Variants in ARHGAP24 observed in about 807,000 individuals in gnomAD.
ARHGAP24 encodes rho GTPase-activating protein 24.
In ARHGAP24, 50 loss-of-function variants were observed where a neutral mutation model predicts 76.4. The ratio of observed to expected loss-of-function variants is 0.65; its 90% CI spans 0.52 to 0.83. ARHGAP24 has a LOEUF of 0.83. Ranked by LOEUF, ARHGAP24 falls within the 40% of genes least tolerant of loss-of-function variation. The pLI, the probability that ARHGAP24 is intolerant of heterozygous loss-of-function variation, is 0.00. For synonymous variants in ARHGAP24, 345 were observed against 323.3 expected, an observed-to-expected ratio of 1.07 and a Z score of -0.72; for missense variants, 930 against 914.2, an observed-to-expected ratio of 1.02 and a Z score of -0.22.
intron 2 of ARHGAP24, among the ~76,000 whole-genome samples, chr4:85,621,914 A>G (rs906514846): frequency 6.6e-6 from 1 of 152,064 alleles, no homozygotes; most frequent in African/African-American, 2.4e-5. Flanking sequence ...CATTTTAGTC[A>G]TTAATCAATC....
At chr4:85,493,005 A>G (rs1181254605) in intron 1 of ARHGAP24, among the ~76,000 whole-genome samples, 1 of 152,188 alleles carries the variant, frequency 6.6e-6, no homozygotes, top group Non-Finnish European at 1.5e-5. Flanking sequence ...TTTGAAGTCT[A>G]GTGACCAGGT....
chr4:85,911,554 G>T (rs1735086462), intron 3 of ARHGAP24, among the ~76,000 whole-genome samples: 1 of 152,176 alleles, frequency 6.6e-6, no homozygotes, highest in African/African-American at 2.4e-5. Context: ...CGTATTTGCT[G>T]ATAAGTGGAT....
intron 1 of ARHGAP24, among the ~76,000 whole-genome samples, chr4:85,538,137 C>G (rs552386654): frequency 6.6e-6 from 1 of 152,112 alleles, no homozygotes; most frequent in South Asian, 2.1e-4. Context: ...ACAGGTTTCT[C>G]CTTTCTAGGA....
chr4:85,495,576 TCTC>T (rs1723545710), intron 1 of ARHGAP24, among the ~76,000 whole-genome samples: 1 of 151,752 alleles, frequency 6.6e-6, no homozygotes, highest in Non-Finnish European at 1.5e-5. Context: ...TGGGTCTCAA[TCTC>T]CTTACCTGGT....
rs1464305908 is a variant in ARHGAP24 at position 85,995,307 on chromosome 4, C to T, written c.1653C>T (p.Asp551=). ...ACCTTGATGACAAGCAGAGCATTGA[C>T]AGTGCTACCTGGTCCACTTCCTCCT... The part of the protein sequence containing the change: ...MMNLDDKQSI[D]SATWSTSSCE... Residue 551 remains aspartate (D), a synonymous_variant, in exon 9 of 10, where the codon GAC becomes GAT. Coordinates refer to ENST00000395184, the MANE Select transcript of ARHGAP24 (RefSeq NM_001025616.3). The T allele has an allele frequency of 6.2e-7, 1 of 1,614,060 alleles. No individual in the cohort carries two copies. Among genetic ancestry groups the T allele is most frequent in the Admixed American group, 1.7e-5 (1 of 59,996 alleles).
At chr4:85,863,244 A>C (rs1385703440) in intron 3 of ARHGAP24, among the ~76,000 whole-genome samples, 1 of 151,980 alleles carries the variant, frequency 6.6e-6, no homozygotes. Flanking sequence ...TTTGCAGGCT[A>C]ACTCGTTTAC....
chr4:85,849,036 G>A (rs1445938536), intron 3 of ARHGAP24, among the ~76,000 whole-genome samples: 3 of 149,196 alleles, frequency 2.0e-5, no homozygotes, highest in African/African-American at 7.4e-5. Context: ...ATTACCTTGG[G>A]CAGTATGGCC....
chr4:85,674,412 T>C (rs61660116), intron 2 of ARHGAP24, among the ~76,000 whole-genome samples: 40,403 of 152,144 alleles, frequency 0.27, 7,449 homozygotes, highest in East Asian at 0.84. Flanking sequence ...ATTATATGAA[T>C]TGTTTTATTA....
intron 2 of ARHGAP24, among the ~76,000 whole-genome samples, chr4:85,663,734 G>C (rs991943856): frequency 6.6e-6 from 1 of 151,862 alleles, no homozygotes; most frequent in Non-Finnish European, 1.5e-5. Context: ...ATGAAGGGTT[G>C]TTGAATTTTG....
At chr4:85,722,284 T>C (rs997839376) in intron 3 of ARHGAP24, 2 of 308,948 alleles carry the variant, frequency 6.5e-6, no homozygotes, top group Admixed American at 4.7e-5. Flanking sequence ...GCTCTTGTGA[T>C]GTGAAATTTG....
chr4:85,772,106 T>C (rs1727153346), intron 3 of ARHGAP24, among the ~76,000 whole-genome samples: 1 of 152,234 alleles, frequency 6.6e-6, no homozygotes, highest in African/African-American at 2.4e-5. Context: ...TATTGACTAT[T>C]GAGCAATGTG....
intron 1 of ARHGAP24, among the ~76,000 whole-genome samples, chr4:85,568,661 A>G (rs961701651): frequency 6.6e-6 from 1 of 152,156 alleles, no homozygotes; most frequent in African/African-American, 2.4e-5. Flanking sequence ...ACACGGGCAC[A>G]CACCTGAGGG....
intron 5 of ARHGAP24, among the ~76,000 whole-genome samples, chr4:85,964,673 A>G (rs1438583134): frequency 6.6e-6 from 1 of 152,122 alleles, no homozygotes; most frequent in Non-Finnish European, 1.5e-5. Context: ...ATAGAAAATT[A>G]ATAAATATCC....
intron 8 of ARHGAP24, chr4:85,992,277 A>G (rs1008340909): frequency 2.5e-6 from 1 of 393,696 alleles, no homozygotes; most frequent in Non-Finnish European, 4.5e-6. Flanking sequence ...AAATTCTAAG[A>G]AAGTCTCTTT....
At chr4:85,711,599 C>A (rs1724529648) in intron 2 of ARHGAP24, among the ~76,000 whole-genome samples, 1 of 152,146 alleles carries the variant, frequency 6.6e-6, no homozygotes, top group Admixed American at 6.6e-5. Context: ...CTTCTTCCTG[C>A]TGAGACATTG....
chr4:85,909,733 A>G (rs1238756337), intron 3 of ARHGAP24, among the ~76,000 whole-genome samples: 4 of 152,216 alleles, frequency 2.6e-5, no homozygotes, highest in Non-Finnish European at 2.9e-5. Context: ...GCATCAATCT[A>G]TCAGCAGGAA....
At position 85,830,654 on chromosome 4, in the gene ARHGAP24, G is replaced by A. The variant is rs567885100; in HGVS notation, c.269-92994G>A. 2.0e-4 allele frequency among the ~76,000 whole-genome samples: 30 copies of A among 152,248 alleles called. No homozygotes were observed. The East Asian group carries it at 5.6e-3, about 28-fold the overall frequency. ...GCAGTATAGATTCAGATAATATAATGGGCACTCACACAACTTTTAACTACT... is the reference window on the plus strand; with the variant it reads ...GCAGTATAGATTCAGATAATATAATAGGCACTCACACAACTTTTAACTACT... On this transcript the variant is annotated intron_variant, in intron 3 of 9. Transcript: ENST00000395184.
At chr4:85,479,361 A>G (rs907984312) in intron 1 of ARHGAP24, among the ~76,000 whole-genome samples, 11 of 152,216 alleles carry the variant, frequency 7.2e-5, no homozygotes, top group Non-Finnish European at 1.6e-4. Flanking sequence ...AAACAATTAT[A>G]ATAGATATAC....
At chr4:85,651,158 AGAG>A (rs1176228940) in intron 2 of ARHGAP24, among the ~76,000 whole-genome samples, 4 of 149,388 alleles carry the variant, frequency 2.7e-5, no homozygotes, top group African/African-American at 1.0e-4. Flanking sequence ...GAGAGGCAGG[AGAG>A]GAGAACAGAG....
Sources: allele counts gnomAD v4.1 joint callset (sites outside exome capture counted in the v4.1 genomes callset), GRCh38; gene constraint gnomAD v4.1.1; transcripts MANE v1.5; gene names NCBI Gene and HGNC (gene_info 2026-07-23, HGNC 2026-07-21).